The following CSMD1 variants were observed in gnomAD, a reference collection of about 807,000 sequenced individuals.
The protein encoded by CSMD1 is CUB and sushi domain-containing protein 1.
CSMD1 carries 213 observed loss-of-function variants against 417.5 expected under a neutral mutation model. The observed-to-expected ratio is 0.51, with a 90% CI of 0.46 to 0.57. CSMD1 has a LOEUF of 0.57. Ranked by LOEUF, CSMD1 falls within the 20% of genes least tolerant of loss-of-function variation. The pLI, the probability that CSMD1 is intolerant of heterozygous loss-of-function variation, is 0.00. For synonymous variants in CSMD1, 2,862 were observed against 1,736.8 expected (o/e 1.65, Z -16.11); for missense variants, 6,923 against 4,529.7 (o/e 1.53, Z -15.17).
At chr8:3,252,515 A>G (rs1800344981) in intron 26 of CSMD1, among the ~76,000 whole-genome samples, 3 of 152,186 alleles carry the variant, frequency 2.0e-5, no homozygotes, top group African/African-American at 7.2e-5. Flanking sequence ...ATATTGGTCT[A>G]AAATTCTCTT....
chr8:4,261,092 T>C (rs565938238), intron 3 of CSMD1, among the ~76,000 whole-genome samples: 1 of 152,212 alleles, frequency 6.6e-6, no homozygotes, highest in African/African-American at 2.4e-5. Context: ...ATATATAATT[T>C]TTCTATGTGT....
At chr8:4,423,569 G>C (rs961748761) in intron 2 of CSMD1, among the ~76,000 whole-genome samples, 1 of 152,012 alleles carries the variant, frequency 6.6e-6, no homozygotes, top group Non-Finnish European at 1.5e-5. Context: ...TAAATGGACA[G>C]ATATACCATG....
intron 3 of CSMD1, among the ~76,000 whole-genome samples, chr8:4,214,112 G>C (rs1366405938): frequency 4.0e-5 from 6 of 151,660 alleles, no homozygotes; most frequent in East Asian, 1.9e-4. Context: ...TTTCATTCCA[G>C]TTTTTTTGTT....
chr8:3,597,958 A>C (rs1801172745), intron 8 of CSMD1, among the ~76,000 whole-genome samples: 1 of 152,242 alleles, frequency 6.6e-6, no homozygotes, highest in African/African-American at 2.4e-5. Context: ...CACGTTGTGC[A>C]CATGTACCCC....
intron 5 of CSMD1, among the ~76,000 whole-genome samples, chr8:3,862,299 A>G (rs1804769480): frequency 1.3e-5 from 2 of 152,158 alleles, no homozygotes; most frequent in Admixed American, 6.5e-5. Context: ...ACGAATTTAC[A>G]TTCTCCTTTC....
At chr8:3,555,063 G>A (rs916334228) in intron 10 of CSMD1, among the ~76,000 whole-genome samples, 2 of 152,084 alleles carry the variant, frequency 1.3e-5, no homozygotes, top group African/African-American at 4.8e-5. Context: ...AGGCTAAGGA[G>A]CCAGGAGAGC....
At chr8:3,279,807 A>AC (rs1802592873) in intron 26 of CSMD1, among the ~76,000 whole-genome samples, 1 of 152,062 alleles carries the variant, frequency 6.6e-6, no homozygotes, top group Non-Finnish European at 1.5e-5. Flanking sequence ...CCCTTATAAA[A>AC]CCAACAGATC....
At chr8:4,263,339 C>G (rs1031271542) in intron 3 of CSMD1, among the ~76,000 whole-genome samples, 9 of 152,126 alleles carry the variant, frequency 5.9e-5, no homozygotes, top group Admixed American at 2.0e-4. Flanking sequence ...CTTCTTTCCC[C>G]TGGAGTTATG....
At chr8:3,223,579 C>G (rs1254478433) in intron 28 of CSMD1, 150 bp downstream of exon 28, 1 of 689,258 alleles carries the variant, frequency 1.5e-6, no homozygotes, top group Non-Finnish European at 2.4e-6. Flanking sequence ...CCATTTATGT[C>G]ATTTTGCAGC....
chr8:3,209,178 C>T (rs772744463), intron 30 of CSMD1, among the ~76,000 whole-genome samples: 2 of 152,094 alleles, frequency 1.3e-5, no homozygotes, highest in Non-Finnish European at 2.9e-5. Context: ...TGTGCCTGTC[C>T]GTTCTTCCTC....
chr8:3,648,397 G>A (rs955414799), intron 7 of CSMD1, among the ~76,000 whole-genome samples: 4 of 152,170 alleles, frequency 2.6e-5, no homozygotes, highest in African/African-American at 9.7e-5. Flanking sequence ...AGACTGACAT[G>A]CTGCCTGCTG....
chr8:4,709,130 A>C (rs959803799), intron 1 of CSMD1, among the ~76,000 whole-genome samples: 1 of 152,222 alleles, frequency 6.6e-6, no homozygotes, highest in Non-Finnish European at 1.5e-5. Flanking sequence ...TACTCTAATC[A>C]CATGGAAATT....
At chr8:4,061,682 T>C (rs1309798988) in intron 3 of CSMD1, among the ~76,000 whole-genome samples, 1 of 152,176 alleles carries the variant, frequency 6.6e-6, no homozygotes, top group Non-Finnish European at 1.5e-5. Context: ...GTGTGAAATA[T>C]CTTTTATGAT....
intron 5 of CSMD1, among the ~76,000 whole-genome samples, chr8:3,869,998 G>A (rs943276167): frequency 4.0e-5 from 6 of 151,816 alleles, no homozygotes; most frequent in Non-Finnish European, 5.9e-5. Context: ...ATAACTAGAG[G>A]AAAAGTGTAA....
At chr8:3,866,111 A>T (rs1189673776) in intron 5 of CSMD1, among the ~76,000 whole-genome samples, 1 of 152,198 alleles carries the variant, frequency 6.6e-6, no homozygotes, top group African/African-American at 2.4e-5. Context: ...GGATTACATT[A>T]TTCCATATGT....
intron 1 of CSMD1, among the ~76,000 whole-genome samples, chr8:4,898,059 T>C (rs969151685): frequency 6.6e-6 from 1 of 152,160 alleles, no homozygotes; most frequent in African/African-American, 2.4e-5. Flanking sequence ...TTTGGTTTTA[T>C]TAGTTGGAAA....
chr8:4,868,057 A>G (rs887572192), intron 1 of CSMD1, among the ~76,000 whole-genome samples: 2 of 152,000 alleles, frequency 1.3e-5, no homozygotes, highest in Non-Finnish European at 2.9e-5. Flanking sequence ...CTGGATCTCT[A>G]CTTTGTCTCT....
chr8:4,394,790 C>T (rs1804088352), intron 3 of CSMD1, among the ~76,000 whole-genome samples: 1 of 152,158 alleles, frequency 6.6e-6, no homozygotes, highest in African/African-American at 2.4e-5. Flanking sequence ...GATGCAGCCT[C>T]ACCTTAGTTT....
chr8:3,088,144 T>C (rs577533966), intron 48 of CSMD1, among the ~76,000 whole-genome samples: 72 of 152,204 alleles, frequency 4.7e-4, no homozygotes, highest in Non-Finnish European at 9.6e-4. Flanking sequence ...ATTTTAAAAC[T>C]AGAGATGGGC....
Sources: allele counts gnomAD v4.1 joint callset (sites outside exome capture counted in the v4.1 genomes callset), GRCh38; gene constraint gnomAD v4.1.1; transcripts MANE v1.5; gene names NCBI Gene and HGNC (gene_info 2026-07-23, HGNC 2026-07-21).